The following SEMA3C variants were observed in gnomAD, a reference collection of about 807,000 sequenced individuals.
The protein encoded by SEMA3C is semaphorin-3C.
Under a neutral mutation model 89.4 loss-of-function variants are expected in SEMA3C, and 47 were observed. That is an observed-to-expected ratio of 0.53 (90% CI 0.42 to 0.67). The LOEUF is 0.67. SEMA3C is among the 30% of genes least tolerant of loss of function. The probability of loss-of-function intolerance (pLI) is 0.00; values close to 1 mark genes in which losing one functional copy is unlikely to be tolerated. For missense variants in SEMA3C, 839 were observed against 929.1 expected (o/e 0.90, Z 1.26); for synonymous variants, 310 against 320.2 (o/e 0.97, Z 0.34).
chr7:80,919,570 G>GTT (rs559043126), upstream of SEMA3C, among the ~76,000 whole-genome samples: 10,726 of 139,426 alleles, frequency 0.077, 952 homozygotes, highest in African/African-American at 0.23. Flanking sequence ...TTTTTTTTTT[G>GTT]TTTTTTGTTT....
intron 2 of SEMA3C, among the ~76,000 whole-genome samples, chr7:80,837,478 C>G (rs993029232): frequency 1.3e-5 from 2 of 152,168 alleles, no homozygotes; most frequent in Non-Finnish European, 2.9e-5. Flanking sequence ...TTGGGGCAAA[C>G]AGGAAAGGGT....
At chr7:80,889,346 T>C (rs891467282) in intron 2 of SEMA3C, among the ~76,000 whole-genome samples, 3 of 152,212 alleles carry the variant, frequency 2.0e-5, no homozygotes, top group Admixed American at 2.0e-4. Context: ...TCTGTATTCC[T>C]AATCTTATAT....
At chr7:80,847,165 C>T (rs1484995139) in intron 2 of SEMA3C, 2 of 152,178 alleles carry the variant, frequency 1.3e-5, no homozygotes, top group Non-Finnish European at 2.9e-5. Context: ...CTTCAATTTT[C>T]TACCCAGTTT....
upstream of SEMA3C, among the ~76,000 whole-genome samples, chr7:80,922,026 T>G (rs1792417837): frequency 6.6e-6 from 1 of 152,184 alleles, no homozygotes; most frequent in South Asian, 2.1e-4. Flanking sequence ...GGTTAAAAAT[T>G]GTCTTATTAT....
chr7:80,885,600 C>G (rs549219812), intron 2 of SEMA3C, among the ~76,000 whole-genome samples: 1 of 152,252 alleles, frequency 6.6e-6, no homozygotes, highest in Non-Finnish European at 1.5e-5. Context: ...GTGAGCAACA[C>G]AGTGAGACCC....
intron 2 of SEMA3C, among the ~76,000 whole-genome samples, chr7:80,830,034 A>C (rs1165914255): frequency 3.3e-5 from 5 of 152,198 alleles, no homozygotes; most frequent in African/African-American, 1.2e-4. Context: ...GAAGTCATGG[A>C]CTATATTCCA....
chr7:80,891,984 C>T (rs555915701), intron 2 of SEMA3C, among the ~76,000 whole-genome samples: 146 of 152,144 alleles, frequency 9.6e-4, no homozygotes, highest in African/African-American at 2.9e-3. Context: ...CCTACCCATA[C>T]GCTTAGGATA....
upstream of SEMA3C, among the ~76,000 whole-genome samples, chr7:80,920,197 G>A (rs1416274080): frequency 2.0e-5 from 3 of 152,142 alleles, no homozygotes; most frequent in Non-Finnish European, 4.4e-5. Context: ...TGACTTTGAT[G>A]TTTAAGTGAA....
intron 3 of SEMA3C, among the ~76,000 whole-genome samples, chr7:80,827,958 A>G (rs1384722556): frequency 6.6e-6 from 1 of 152,066 alleles, no homozygotes; most frequent in Non-Finnish European, 1.5e-5. Context: ...ATGAAAACCA[A>G]GAGATTCCCT....
At chr7:80,797,493 T>G (rs1260920368) in intron 11 of SEMA3C, among the ~76,000 whole-genome samples, 1 of 152,248 alleles carries the variant, frequency 6.6e-6, no homozygotes, top group Non-Finnish European at 1.5e-5. Context: ...GAAAGCTGCC[T>G]ATAGTTAAAT....
chr7:80,769,522 T>A (rs1014285831), intron 12 of SEMA3C, among the ~76,000 whole-genome samples: 2 of 152,106 alleles, frequency 1.3e-5, no homozygotes, highest in African/African-American at 4.8e-5. Flanking sequence ...CATACCATTT[T>A]AAAAATATTA....
At chr7:80,911,922 C>T (rs1404488843) in intron 2 of SEMA3C, among the ~76,000 whole-genome samples, 7 of 151,990 alleles carry the variant, frequency 4.6e-5, no homozygotes, top group Non-Finnish European at 7.4e-5. Flanking sequence ...CGTGAGCCCC[C>T]GTGCTCGACC....
At position 80,841,469 on chromosome 7, in the gene SEMA3C, A is replaced by T. The variant is rs183723502; in HGVS notation, c.104-12724T>A. Among the ~76,000 whole-genome samples, 561 of 152,286 alleles carry T rather than the reference A, an allele frequency of 3.7e-3. 4 individuals are homozygous for T. Among genetic ancestry groups the T allele is most frequent in the Non-Finnish European group, 4.7e-3 (323 of 68,020 alleles). On this transcript the variant is annotated intron_variant, in intron 2 of 17. Coordinates refer to ENST00000265361, the MANE Select transcript of SEMA3C (RefSeq NM_006379.5). ...CAGGCTATGCAAACTTTCCTTGCAG[A>T]CCACTGTAATTTACATATATTCTTA...
intron 2 of SEMA3C, among the ~76,000 whole-genome samples, chr7:80,911,837 G>T (rs956393027): frequency 1.3e-5 from 2 of 152,012 alleles, no homozygotes; most frequent in Non-Finnish European, 2.9e-5. Context: ...GTATCACCAC[G>T]ATAGCCAGCA....
Position 80,778,037 on chromosome 7 carries a change from T to C in SEMA3C, c.1354+11269A>G, listed in dbSNP as rs1788591296. ...TGTTTAATAAGTTTGTATATTCTGGTTCTAGAAGCAAATTTTCTCTGTGAG... is the reference window on the plus strand; with the variant it reads ...TGTTTAATAAGTTTGTATATTCTGGCTCTAGAAGCAAATTTTCTCTGTGAG... On this transcript the variant is annotated intron_variant, in intron 12 of 17. Coordinates refer to ENST00000265361, the MANE Select transcript of SEMA3C (RefSeq NM_006379.5). Among the ~76,000 whole-genome samples, 3 of 152,206 alleles carry C rather than the reference T, an allele frequency of 2.0e-5. No individual in the cohort carries two copies. The South Asian group carries it at 6.2e-4, about 31-fold the overall frequency.
intron 2 of SEMA3C, among the ~76,000 whole-genome samples, chr7:80,880,183 C>T (rs1160643213): frequency 1.3e-5 from 2 of 152,126 alleles, no homozygotes; most frequent in African/African-American, 2.4e-5. Context: ...CTCCAGGAGG[C>T]GAACCCTGAC....
At chr7:80,873,644 G>A (rs1481387160) in intron 2 of SEMA3C, among the ~76,000 whole-genome samples, 1 of 152,074 alleles carries the variant, frequency 6.6e-6, no homozygotes. Context: ...CTTGGCCTAA[G>A]TCACTTATTA....
intron 2 of SEMA3C, among the ~76,000 whole-genome samples, chr7:80,905,430 T>A (rs1391094690): frequency 6.6e-6 from 1 of 151,900 alleles, no homozygotes; most frequent in Non-Finnish European, 1.5e-5. Context: ...AATTTGACGA[T>A]TAGAAGTCAG....
intron 2 of SEMA3C, among the ~76,000 whole-genome samples, chr7:80,840,268 C>T (rs768320594): frequency 2.0e-5 from 3 of 151,792 alleles, no homozygotes; most frequent in East Asian, 1.9e-4. Context: ...GCCTGTAATC[C>T]GAACATTATG....
Sources: gnomAD v4.1 joint callset for allele counts (sites outside exome capture counted in the v4.1 genomes callset) on GRCh38, gnomAD v4.1.1 for gene constraint, MANE v1.5 for transcripts, NCBI Gene and HGNC (gene_info 2026-07-23, HGNC 2026-07-21) for gene names.